SV2C: variants seen among roughly 807,000 people sequenced by gnomAD.
The protein encoded by SV2C is synaptic vesicle glycoprotein 2C.
In SV2C, 49 loss-of-function variants were observed where a neutral mutation model predicts 79.7. The observed-to-expected ratio is 0.61, with a 90% CI of 0.49 to 0.78. The LOEUF (loss-of-function observed/expected upper bound fraction) is 0.78. SV2C is among the 30% of genes least tolerant of loss of function. SV2C has a pLI of 0.00. For synonymous variants in SV2C, 334 were observed against 333.2 expected, an observed-to-expected ratio of 1.00 and a Z score of -0.03; for missense variants, 833 against 912.9, an observed-to-expected ratio of 0.91 and a Z score of 1.13.
the SV2C span, among the ~76,000 whole-genome samples, chr5:76,012,649 C>T: frequency 2.0e-5 from 3 of 152,138 alleles, no homozygotes; most frequent in Non-Finnish European, 4.4e-5. Flanking sequence ...GTTGCCATCA[C>T]TTTTGGTGTT....
rs192173356 is a variant in SV2C, at chr5:76,236,256, A to G, written c.913+26369A>G. 5.2e-4 allele frequency among the ~76,000 whole-genome samples: 79 copies of G among 151,618 alleles called. No homozygotes were observed. In the East Asian group the frequency reaches 0.015, roughly 28 times the overall value. On this transcript the variant is annotated intron_variant, in intron 4 of 12. Coordinates refer to ENST00000502798, the MANE Select transcript of SV2C (RefSeq NM_014979.4). ...AGTCAATATTGAAAATCAAAGTAAC[A>G]TGTCCATAGTCCTAAAAATCAAATA...
the SV2C span, among the ~76,000 whole-genome samples, chr5:76,066,881 T>G: frequency 5.9e-5 from 9 of 151,730 alleles, no homozygotes; most frequent in Non-Finnish European, 1.0e-4. Context: ...GTATCCATAG[T>G]CATTTGGAGT....
chr5:76,037,441 T>C, the SV2C span, among the ~76,000 whole-genome samples: 1 of 152,230 alleles, frequency 6.6e-6, no homozygotes, highest in Non-Finnish European at 1.5e-5. Flanking sequence ...ATGTCCTTTC[T>C]GTTTGTTAGT....
At chr5:76,095,784 T>C (rs1468336396) in intron 1 of SV2C, among the ~76,000 whole-genome samples, 1 of 152,146 alleles carries the variant, frequency 6.6e-6, no homozygotes. Flanking sequence ...ATGGTATATT[T>C]AGTTAATTTG....
At chr5:75,910,749 T>C in the SV2C span, 6 of 1,371,152 alleles carry the variant, frequency 4.4e-6, no homozygotes, top group African/African-American at 7.2e-5. Flanking sequence ...CAAAAACTAC[T>C]AGAGGAGCTG....
intron 4 of SV2C, among the ~76,000 whole-genome samples, chr5:76,232,913 G>A (rs1254129940): frequency 9.1e-5 from 13 of 142,954 alleles, no homozygotes. Context: ...GATTGACTTG[G>A]CGATGCGGGC....
intron 4 of SV2C, among the ~76,000 whole-genome samples, chr5:76,264,183 A>G (rs1746569312): frequency 1.3e-5 from 2 of 151,442 alleles, no homozygotes; most frequent in South Asian, 4.2e-4. Flanking sequence ...CAGTAAGTTG[A>G]TCTTCAGTCT....
the SV2C span, among the ~76,000 whole-genome samples, chr5:75,903,669 T>G: frequency 2.0e-5 from 3 of 152,220 alleles, no homozygotes; most frequent in Non-Finnish European, 4.4e-5. Context: ...GATGAGACCC[T>G]TGTTCTCACA....
At chr5:76,275,369 C>G (rs985526969) in intron 4 of SV2C, among the ~76,000 whole-genome samples, 134 of 152,086 alleles carry the variant, frequency 8.8e-4, no homozygotes, top group African/African-American at 3.1e-3. Context: ...CGCCTGTAGT[C>G]CCAACTACTC....
rs114909981 is a variant in SV2C at position 76,284,464 on chromosome 5, C to T, written c.914-698C>T. ...AAAGGGGCCGTGGAAAGGTGTTTAG[C>T]GAAGGGACTCTTTATGAAGATGTGG... is the stretch of plus-strand genomic sequence containing the variant. On this transcript the variant is annotated intron_variant, in intron 4 of 12. Transcript: ENST00000502798. 3.4e-3 allele frequency among the ~76,000 whole-genome samples: 513 copies of T among 152,068 alleles called. 5 individuals carry two copies. The highest frequency in any genetic ancestry group is 0.012 in the African/African-American group (484 of 41,448).
At chr5:76,212,815 T>C (rs1200808319) in intron 4 of SV2C, among the ~76,000 whole-genome samples, 1 of 152,228 alleles carries the variant, frequency 6.6e-6, no homozygotes, top group African/African-American at 2.4e-5. Flanking sequence ...CCTTGAACTC[T>C]GGATGGTTCC....
chr5:76,122,055 G>T (rs1486450751), intron 1 of SV2C, among the ~76,000 whole-genome samples: 9 of 152,066 alleles, frequency 5.9e-5, no homozygotes, highest in Middle Eastern at 3.4e-3. Flanking sequence ...TTGAGCAGTG[G>T]TTTGTAGTTC....
intron 12 of SV2C, among the ~76,000 whole-genome samples, chr5:76,313,318 T>C (rs973526007): frequency 2.0e-5 from 3 of 152,194 alleles, no homozygotes; most frequent in African/African-American, 7.2e-5. Context: ...CCTGGCCCTC[T>C]GCTCTGCTTG....
the SV2C span, among the ~76,000 whole-genome samples, chr5:75,903,648 A>G: frequency 6.6e-6 from 1 of 152,130 alleles, no homozygotes; most frequent in South Asian, 2.1e-4. Flanking sequence ...AGAACCACCA[A>G]CGATGAAGAT....
At chr5:76,231,658 A>G (rs1579967349) in intron 4 of SV2C, among the ~76,000 whole-genome samples, 1 of 141,598 alleles carries the variant, frequency 7.1e-6, no homozygotes, top group Non-Finnish European at 1.5e-5. Context: ...TCATTGTTCA[A>G]TTCCCACCTA....
At chr5:75,883,880 G>C in the SV2C span, among the ~76,000 whole-genome samples, 5 of 151,474 alleles carry the variant, frequency 3.3e-5, no homozygotes, top group African/African-American at 1.2e-4. Flanking sequence ...TCTTTCAGGT[G>C]TATTTCTGGT....
chr5:75,954,631 A>G, the SV2C span, among the ~76,000 whole-genome samples: 3 of 149,966 alleles, frequency 2.0e-5, no homozygotes, highest in African/African-American at 7.6e-5. Context: ...ACATGATTGT[A>G]TATCTAGAAA....
chr5:76,077,429 C>G, the SV2C span, among the ~76,000 whole-genome samples: 1 of 152,142 alleles, frequency 6.6e-6, no homozygotes, highest in Non-Finnish European at 1.5e-5. Context: ...GTATGGTAGA[C>G]CTTATTTGGA....
At chr5:75,861,533 C>T in the SV2C span, among the ~76,000 whole-genome samples, 1 of 152,168 alleles carries the variant, frequency 6.6e-6, no homozygotes, top group Non-Finnish European at 1.5e-5. Context: ...ATATGTTCAG[C>T]ACAGCACTAT....
Sources: allele counts gnomAD v4.1 joint callset (sites outside exome capture counted in the v4.1 genomes callset), GRCh38; gene constraint gnomAD v4.1.1; transcripts MANE v1.5; gene names NCBI Gene and HGNC (gene_info 2026-07-23, HGNC 2026-07-21).